Variants in NPAS2 observed in about 807,000 individuals in gnomAD.
NPAS2 encodes neuronal PAS domain-containing protein 2.
NPAS2 carries 23 observed loss-of-function variants against 107.5 expected under a neutral mutation model. The ratio of observed to expected loss-of-function variants is 0.21; its 90% CI spans 0.15 to 0.30. NPAS2 has a LOEUF of 0.30. Ranked by LOEUF, NPAS2 falls within the 10% of genes least tolerant of loss-of-function variation. NPAS2 has a pLI of 1.00. For synonymous variants in NPAS2, 403 were observed against 417.5 expected, an observed-to-expected ratio of 0.97 and a Z score of 0.42; for missense variants, 756 against 1,043.3, an observed-to-expected ratio of 0.72 and a Z score of 3.79.
chr2:100,903,277 T>A (rs555577181), intron 1 of NPAS2, among the ~76,000 whole-genome samples: 9 of 152,332 alleles, frequency 5.9e-5, no homozygotes, highest in Non-Finnish European at 1.0e-4. Flanking sequence ...CATAAAACTT[T>A]GAACAGATTC....
rs759121548 is a variant in NPAS2 at position 100,990,359 on chromosome 2, G to A, written c.1931G>A (p.Ser644Asn). 4 of 1,614,082 alleles carry A rather than the reference G, an allele frequency of 2.5e-6. No homozygotes were observed. In the East Asian group the frequency reaches 6.7e-5, roughly 27 times the overall value. Residue 644 changes from serine (S) to asparagine (N), a missense_variant, in exon 18 of 21, where the codon AGT (serine) becomes AAT (asparagine). This residue lies in a region of NPAS2 where 496 missense variants were observed against 594.4 expected (regional missense o/e 0.83). Coordinates refer to ENST00000335681, the MANE Select transcript of NPAS2 (RefSeq NM_002518.4). ...FSSATAALPP[S>N]LNLTTPASTS... ...AGCGCCACAGCTGCGCTCCCGCCAA[G>A]TCTGAATCTGACCACACCTGCTTCC...
Position 100,956,050 on chromosome 2 carries a change from G to A in NPAS2, c.598+6570G>A, listed in dbSNP as rs544181617. Among the ~76,000 whole-genome samples the A allele has an allele frequency of 3.9e-5, 6 of 152,126 alleles. No homozygotes were observed. In the East Asian group the frequency reaches 7.7e-4, roughly 20 times the overall value. ...CTCCCGGGTAGCTGGGACTACAGGC[G>A]CATGCTATAACAACCTGGCTAATTC... On this transcript the variant is annotated intron_variant, in intron 7 of 20. Coordinates refer to ENST00000335681, the MANE Select transcript of NPAS2 (RefSeq NM_002518.4).
intron 1 of NPAS2, among the ~76,000 whole-genome samples, chr2:100,824,028 G>A (rs1024028906): frequency 6.6e-6 from 1 of 152,172 alleles, no homozygotes; most frequent in African/African-American, 2.4e-5. Flanking sequence ...CAGTGCAAAT[G>A]ATGCTTACCT....
At chr2:100,853,859 G>T (rs976682347) in intron 1 of NPAS2, among the ~76,000 whole-genome samples, 4 of 151,912 alleles carry the variant, frequency 2.6e-5, no homozygotes, top group African/African-American at 9.7e-5. Flanking sequence ...GGGAACAAGC[G>T]CTGTGCAGCA....
chr2:100,840,688 A>T (rs1677345494), intron 1 of NPAS2, among the ~76,000 whole-genome samples: 1 of 152,010 alleles, frequency 6.6e-6, no homozygotes, highest in Non-Finnish European at 1.5e-5. Flanking sequence ...TCCAGAGTCG[A>T]TCTGTCAGAG....
intron 7 of NPAS2, among the ~76,000 whole-genome samples, chr2:100,952,892 C>T (rs575963551): frequency 2.7e-5 from 4 of 147,328 alleles, no homozygotes; most frequent in South Asian, 2.1e-4. Context: ...GCTGTAAACA[C>T]GCAGCACTGA....
chr2:100,958,435 T>C (rs1675708475), intron 7 of NPAS2, among the ~76,000 whole-genome samples: 1 of 152,168 alleles, frequency 6.6e-6, no homozygotes, highest in Admixed American at 6.5e-5. Context: ...GACGGCTTCG[T>C]GGAAGGAGTG....
At position 100,935,630 on chromosome 2, in the gene NPAS2, A is replaced by G. The variant is rs554799399; in HGVS notation, c.274-2123A>G. On this transcript the variant is annotated intron_variant, in intron 4 of 20. Transcript: ENST00000335681. ...GCTTTTTAACACCCGCTTGCTTTAGACATTCAGGAGGGACATGGGCTCACT... is the reference window on the plus strand; with the variant it reads ...GCTTTTTAACACCCGCTTGCTTTAGGCATTCAGGAGGGACATGGGCTCACT... Among the ~76,000 whole-genome samples the G allele has an allele frequency of 7.2e-5, 11 of 152,248 alleles. No homozygotes were observed. In the East Asian group the frequency reaches 1.2e-3, roughly 16 times the overall value.
At chr2:100,857,247 G>A (rs1457250731) in intron 1 of NPAS2, among the ~76,000 whole-genome samples, 3 of 147,542 alleles carry the variant, frequency 2.0e-5, no homozygotes, top group South Asian at 4.3e-4. Context: ...GCAGTGAGCC[G>A]AGATCACGCC....
intron 7 of NPAS2, among the ~76,000 whole-genome samples, chr2:100,958,640 G>A (rs1675720812): frequency 6.6e-6 from 1 of 152,160 alleles, no homozygotes; most frequent in Non-Finnish European, 1.5e-5. Context: ...ATGGAACAAT[G>A]AGGAATGGTC....
At chr2:100,982,574 A>C in intron 16 of NPAS2, 197 bp downstream of exon 16, 1 of 618,794 alleles carries the variant, frequency 1.6e-6, no homozygotes, top group East Asian at 2.8e-5. Context: ...TCCAGGCCAC[A>C]CCCCTGATGT....
chr2:100,826,930 G>T (rs569072369), intron 1 of NPAS2, among the ~76,000 whole-genome samples: 28 of 152,068 alleles, frequency 1.8e-4, no homozygotes, highest in Non-Finnish European at 3.7e-4. Context: ...TATTCTGATT[G>T]TTTTGACGTG....
chr2:100,970,167 C>T (rs962482941), intron 11 of NPAS2, among the ~76,000 whole-genome samples: 7 of 152,176 alleles, frequency 4.6e-5, no homozygotes, highest in South Asian at 2.1e-4. Context: ...CCATGGCAGC[C>T]GCCTGTTGCC....
intron 2 of NPAS2, among the ~76,000 whole-genome samples, chr2:100,919,220 GT>G (rs1160101201): frequency 6.6e-6 from 1 of 152,204 alleles, no homozygotes; most frequent in African/African-American, 2.4e-5. Flanking sequence ...GCTGGCCAGA[GT>G]TTTGTGGGAG....
chr2:100,941,610 C>CA (rs1472280757), intron 5 of NPAS2, among the ~76,000 whole-genome samples: 1 of 151,972 alleles, frequency 6.6e-6, no homozygotes, highest in Non-Finnish European at 1.5e-5. Context: ...GTGGCAGCAC[C>CA]AGCACATTTT....
chr2:100,962,371 T>G (rs1013714823), intron 7 of NPAS2, among the ~76,000 whole-genome samples: 2 of 152,208 alleles, frequency 1.3e-5, no homozygotes, highest in Non-Finnish European at 2.9e-5. Context: ...AGATTTCATT[T>G]TATAATGATT....
chr2:100,874,075 G>T (rs1679801825), intron 1 of NPAS2, among the ~76,000 whole-genome samples: 1 of 151,700 alleles, frequency 6.6e-6, no homozygotes. Flanking sequence ...TCACCACCTG[G>T]GTTCGAGCCT....
chr2:100,961,397 C>A (rs769714005), intron 7 of NPAS2, among the ~76,000 whole-genome samples: 5 of 152,178 alleles, frequency 3.3e-5, no homozygotes, highest in Admixed American at 1.3e-4. Context: ...TCTATTAAAG[C>A]ATTCATCCTT....
chr2:100,819,043 T>A (rs1232930429), upstream of NPAS2, among the ~76,000 whole-genome samples: 1 of 151,996 alleles, frequency 6.6e-6, no homozygotes, highest in Non-Finnish European at 1.5e-5. The surrounding 1 kb of genome is among the most constrained non-coding windows in gnomAD (Gnocchi z 5.8). Context: ...TCTGCCTCCC[T>A]CCGCTTGGCG....
Sources: allele counts gnomAD v4.1 joint callset (sites outside exome capture counted in the v4.1 genomes callset), GRCh38; gene constraint gnomAD v4.1.1; regional missense constraint gnomAD v4.1.1; non-coding constraint Gnocchi (gnomAD v3.1); transcripts MANE v1.5; gene names NCBI Gene and HGNC (gene_info 2026-07-23, HGNC 2026-07-21).